MRC2: variants seen among roughly 807,000 people sequenced by gnomAD.
MRC2 encodes the protein mannose receptor C-type 2, also known as C-type mannose receptor 2.
MRC2 carries 84 observed loss-of-function variants against 206.2 expected under a neutral mutation model. The observed-to-expected ratio is 0.41, with a 90% CI of 0.34 to 0.49. The LOEUF is 0.49. Ranked by LOEUF, MRC2 falls within the 20% of genes least tolerant of loss-of-function variation. The pLI, the probability that MRC2 is intolerant of heterozygous loss-of-function variation, is 0.31. For synonymous variants in MRC2, 798 were observed against 800.0 expected (o/e 1.00, Z 0.04); for missense variants, 1,676 against 2,001.5 (o/e 0.84, Z 3.10).
chr17:62,667,241 G>T lies in MRC2; in HGVS notation c.974-149G>T. Reference sequence around the variant, plus strand: ...GAAAGCGCGGAGGACCCCGTGGTCTGGGGCGGAGCTGGAGCTGAGCACCAG... The same window carrying T: ...GAAAGCGCGGAGGACCCCGTGGTCTTGGGCGGAGCTGGAGCTGAGCACCAG... On this transcript the variant is annotated intron_variant, in intron 5 of 29. Transcript: ENST00000303375. This position sits in a 1 kb window ranked among gnomAD's most constrained non-coding sequence, Gnocchi z 4.1. 1 of 1,043,702 alleles carries T rather than the reference G, an allele frequency of 9.6e-7. No individual in the cohort carries two copies. The highest frequency in any genetic ancestry group is 2.7e-5 in the East Asian group (1 of 37,686). 64.7% of individuals were successfully genotyped at this position (1,043,702 alleles called of 1,614,324 possible). A position where few individuals can be genotyped will look rare whatever the true frequency, so the allele number is the denominator to read the frequency against.
At chr17:62,632,631 C>T (rs1230701453) in intron 1 of MRC2, among the ~76,000 whole-genome samples, 1 of 152,174 alleles carries the variant, frequency 6.6e-6, no homozygotes, top group Non-Finnish European at 1.5e-5. Context: ...TTCTTTCCCA[C>T]CTTCCAGTGA....
At position 62,664,453 on chromosome 17, in the gene MRC2, C is replaced by A; in HGVS notation, c.119-95C>A. ...ATGAGTGACGGCTCACCATCCTGCA[C>A]TGGGCACATGGTAGGTGCCTGTCAG... is the stretch of plus-strand genomic sequence containing the variant. On this transcript the variant is annotated intron_variant, in intron 1 of 29. Transcript: ENST00000303375. This position sits in a 1 kb window ranked among gnomAD's most constrained non-coding sequence, Gnocchi z 4.7. The A allele has an allele frequency of 7.4e-7, 1 of 1,352,358 alleles. No homozygotes were observed. Among genetic ancestry groups the A allele is most frequent in the Non-Finnish European group, 1.0e-6 (1 of 984,882 alleles). The allele number at this position is 1,352,358 out of a possible 1,614,324, so 83.8% of individuals were successfully genotyped here. A position where few individuals can be genotyped will look rare whatever the true frequency, so the allele number is the denominator to read the frequency against.
At chr17:62,686,163 G>A (rs2147489669) in intron 20 of MRC2, among the ~76,000 whole-genome samples, 1 of 152,260 alleles carries the variant, frequency 6.6e-6, no homozygotes, top group African/African-American at 2.4e-5. Context: ...GCACTCCTAT[G>A]AGAATCTTGG....
chr17:62,670,402 C>T (rs2088813040), intron 6 of MRC2, among the ~76,000 whole-genome samples: 1 of 152,228 alleles, frequency 6.6e-6, no homozygotes, highest in Admixed American at 6.5e-5. Flanking sequence ...AGCGAGCCCA[C>T]CGGGCTCTCA....
intron 6 of MRC2, among the ~76,000 whole-genome samples, chr17:62,670,215 C>A (rs1374533566): frequency 1.3e-5 from 2 of 152,360 alleles, no homozygotes; most frequent in East Asian, 3.9e-4. Flanking sequence ...TAAGTCCTGT[C>A]ATTTCGAAGG....
In MRC2 at chr17:62,692,150, G is replaced by T. The variant is rs1401417749; in HGVS notation, c.4219+12G>T. Reference sequence around the variant, plus strand: ...CTTCTCCCCATCAGGTGAGTGAAAGGCAATGCCCCCAGGTGGGCAGGCAGG... The same window carrying T: ...CTTCTCCCCATCAGGTGAGTGAAAGTCAATGCCCCCAGGTGGGCAGGCAGG... On this transcript the variant is annotated intron_variant, in intron 29 of 29. Transcript: ENST00000303375. The surrounding 1 kb of genome is among the most constrained non-coding windows in gnomAD (Gnocchi z 4.2). 1 of 1,614,086 alleles carries T rather than the reference G, an allele frequency of 6.2e-7. No individual in the cohort carries two copies. Among genetic ancestry groups the T allele is most frequent in the Admixed American group, 1.7e-5 (1 of 60,008 alleles).
chr17:62,679,716 G>A, intron 13 of MRC2, 84 bp from the exon 14 acceptor site: 1 of 1,348,690 alleles, frequency 7.4e-7, no homozygotes, highest in East Asian at 2.4e-5. Context: ...CCCGGTCACA[G>A]CTGCAAGGGA....
At chr17:62,668,666 C>T (rs1027767301) in intron 6 of MRC2, among the ~76,000 whole-genome samples, 1 of 152,190 alleles carries the variant, frequency 6.6e-6, no homozygotes, top group African/African-American at 2.4e-5. Context: ...CAGCCAGTCT[C>T]TGCAGGGTCT....
Position 62,681,864 on chromosome 17 carries a change from C to T in MRC2, c.2730C>T (p.Phe910=), listed in dbSNP as rs2088971812. The T allele has an allele frequency of 6.2e-7, 1 of 1,613,924 alleles. No individual in the cohort carries two copies. The highest frequency in any genetic ancestry group is 8.5e-7 in the Non-Finnish European group (1 of 1,179,950). The change falls in exon 19 of 30, where the codon TTC becomes TTT. Residue 910 remains phenylalanine (F), a synonymous_variant. Transcript: ENST00000303375. ...FRWTDGSIIN[F]ISWAPGKPRP... ...GGACAGATGGTTCCATTATAAACTT[C>T]ATCTCCTGGGCACCAGGCAAACCTC...
At chr17:62,669,778 A>T (rs2088805143) in intron 6 of MRC2, among the ~76,000 whole-genome samples, 1 of 151,436 alleles carries the variant, frequency 6.6e-6, no homozygotes. Context: ...CTGGTCTCGA[A>T]CTCCTGTCTT....
intron 27 of MRC2, 71 bp downstream of exon 27, chr17:62,690,832 G>C: frequency 6.6e-7 from 1 of 1,512,918 alleles, no homozygotes; most frequent in Admixed American, 2.3e-5. Flanking sequence ...ACTTTGCCCT[G>C]AGCCTTGTCC....
Position 62,688,641 on chromosome 17 carries a change from C to T in MRC2, c.3202C>T (p.Pro1068Ser). 1 of 1,613,988 alleles carries T rather than the reference C, an allele frequency of 6.2e-7. No individual in the cohort carries two copies. Among genetic ancestry groups the T allele is most frequent in the South Asian group, 1.1e-5 (1 of 91,088 alleles). ...ACCTGGGGAGCCCTCTGGCCCTAGC[C>T]CTGCTCCCAGTGGCAACAAACCGGT... The part of the protein sequence containing the change: ...WAPGEPSGPS[P>S]APSGNKPTSC... Residue 1068 changes from proline (P) to serine (S), a missense_variant, in exon 22 of 30, where the codon CCT becomes TCT. Coordinates refer to ENST00000303375, the MANE Select transcript of MRC2 (RefSeq NM_006039.5).
At chr17:62,632,229 GC>G (rs2084221890) in intron 1 of MRC2, among the ~76,000 whole-genome samples, 2 of 152,176 alleles carry the variant, frequency 1.3e-5, no homozygotes, top group Non-Finnish European at 2.9e-5. Context: ...ACCAGCTGCA[GC>G]CCTTTAGGAA....
intron 23 of MRC2, chr17:62,689,258 C>T: frequency 3.4e-6 from 2 of 583,592 alleles, no homozygotes; most frequent in East Asian, 5.6e-5. Context: ...GTCCAAGACA[C>T]CTCCAGCTCC....
intron 1 of MRC2, among the ~76,000 whole-genome samples, chr17:62,657,118 G>C (rs753294680): frequency 2.6e-4 from 39 of 152,176 alleles, no homozygotes; most frequent in Non-Finnish European, 5.0e-4. Flanking sequence ...CACATAGCCA[G>C]AGGTACACAA....
chr17:62,670,740 G>T (rs370029409), intron 6 of MRC2, among the ~76,000 whole-genome samples: 28 of 152,308 alleles, frequency 1.8e-4, no homozygotes, highest in African/African-American at 6.5e-4. Context: ...AGGAGTCCCA[G>T]CTGGGGGATG....
In MRC2 at chr17:62,688,037, T is replaced by C. The variant is rs188407969; in HGVS notation, c.2947-252T>C. On this transcript the variant is annotated intron_variant, in intron 20 of 29. Coordinates refer to ENST00000303375, the MANE Select transcript of MRC2 (RefSeq NM_006039.5). Reference sequence around the variant, plus strand: ...GGCCTAGGCACTGTTGTCATAGCCTTTGACGGCCCAAAGAAATCCTCCCAT... The same window carrying C: ...GGCCTAGGCACTGTTGTCATAGCCTCTGACGGCCCAAAGAAATCCTCCCAT... Among the ~76,000 whole-genome samples the C allele has an allele frequency of 6.9e-4, 105 of 152,334 alleles. No individual in the cohort carries two copies. The East Asian group carries it at 7.5e-3, about 11-fold the overall frequency.
chr17:62,666,113 A>T lies in MRC2; in HGVS notation c.540A>T (p.Gly180=). 1 of 1,593,664 alleles carries T rather than the reference A, an allele frequency of 6.3e-7. No homozygotes were observed. The highest frequency in any genetic ancestry group is 8.5e-7 in the Non-Finnish European group (1 of 1,169,596). ...CTGCAGAGGTCTACACCATCCAGGG[A>T]AACTCCCACGGAAAGCCGTGCACCA... The part of the protein sequence containing the change: ...LPYHEVYTIQ[G]NSHGKPCTIP... Residue 180 remains glycine (G), a synonymous_variant, in exon 3 of 30, where the codon GGA becomes GGT. Coordinates refer to ENST00000303375, the MANE Select transcript of MRC2 (RefSeq NM_006039.5). This position sits in a 1 kb window ranked among gnomAD's most constrained non-coding sequence, Gnocchi z 5.0.
chr17:62,665,557 C>G (rs541411960), intron 2 of MRC2, among the ~76,000 whole-genome samples: 2 of 152,278 alleles, frequency 1.3e-5, no homozygotes, highest in South Asian at 4.1e-4. Context: ...AAATTCCCTT[C>G]CCCCAGGCCC....
Sources: allele counts gnomAD v4.1 joint callset (sites outside exome capture counted in the v4.1 genomes callset), GRCh38; gene constraint gnomAD v4.1.1; non-coding constraint Gnocchi (gnomAD v3.1); transcripts MANE v1.5; gene names NCBI Gene and HGNC (gene_info 2026-07-23, HGNC 2026-07-21).